NWD1: variants seen among roughly 807,000 people sequenced by gnomAD.
NWD1 encodes the protein NACHT and WD repeat domain containing 1, also known as NACHT domain- and WD repeat-containing protein 1.
Under a neutral mutation model 135.1 loss-of-function variants are expected in NWD1, and 129 were observed. That is an observed-to-expected ratio of 0.96 (90% CI 0.83 to 1.11). NWD1 has a LOEUF of 1.11. Among genes scored for constraint, NWD1 ranks in the 50% least tolerant of loss-of-function variants. The pLI, the probability that NWD1 is intolerant of heterozygous loss-of-function variation, is 0.00. For missense variants in NWD1, 1,740 were observed against 1,851.3 expected, an observed-to-expected ratio of 0.94 and a Z score of 1.10; for synonymous variants, 773 against 786.0, an observed-to-expected ratio of 0.98 and a Z score of 0.28.
chr19:16,775,434 C>T (rs1012311347), intron 11 of NWD1, among the ~76,000 whole-genome samples: 7 of 151,862 alleles, frequency 4.6e-5, no homozygotes, highest in Admixed American at 1.3e-4. Flanking sequence ...TTCAGTCTGG[C>T]GCTCTGCCAT....
chr19:16,740,448 G>C (rs1968032380), intron 4 of NWD1, among the ~76,000 whole-genome samples: 1 of 151,972 alleles, frequency 6.6e-6, no homozygotes, highest in South Asian at 2.1e-4. Context: ...CAATTCTCCT[G>C]CCTCAGCCTC....
At position 16,722,170 on chromosome 19, in the gene NWD1, T is replaced by C. The variant is rs536641901; in HGVS notation, c.-105+1877T>C. On this transcript the variant is annotated intron_variant, in intron 1 of 18. Coordinates refer to ENST00000524140, the MANE Select transcript of NWD1 (RefSeq NM_001007525.5). ...AAAACTAGCTAGGCATGGTGGTGTG[T>C]GCCTGTTAATCCCAGCTACTCAGGA... 3.7e-3 allele frequency among the ~76,000 whole-genome samples: 560 copies of C among 151,724 alleles called. 3 individuals are homozygous for C. Among genetic ancestry groups the C allele is most frequent in the African/African-American group, 0.012 (509 of 41,418 alleles).
At chr19:16,798,275 T>TC (rs761318548) in intron 16 of NWD1, among the ~76,000 whole-genome samples, 1 of 152,010 alleles carries the variant, frequency 6.6e-6, no homozygotes, top group Non-Finnish European at 1.5e-5. Flanking sequence ...TCTCTTTTTT[T>TC]CCCCCTCCTT....
chr19:16,772,593 C>T (rs535811885), intron 10 of NWD1, among the ~76,000 whole-genome samples: 2 of 152,146 alleles, frequency 1.3e-5, no homozygotes, highest in East Asian at 3.9e-4. Flanking sequence ...TTGCAGTGAG[C>T]CAAGATCGCA....
At chr19:16,765,327 C>A in intron 10 of NWD1, 135 bp downstream of exon 10, 1 of 917,372 alleles carries the variant, frequency 1.1e-6, no homozygotes, top group Non-Finnish European at 1.6e-6. Context: ...AATTTTCCCC[C>A]AGCAGTGCTT....
intron 18 of NWD1, among the ~76,000 whole-genome samples, chr19:16,808,763 G>A (rs144865335): frequency 4.0e-5 from 6 of 151,762 alleles, no homozygotes; most frequent in South Asian, 4.2e-4. Context: ...ATGACCCACC[G>A]GACCTGGCTA....
At position 16,815,971 on chromosome 19, in the gene NWD1, T is replaced by G. The variant is rs1971058086; in HGVS notation, c.*932T>G. 6.6e-6 allele frequency: 1 copy of G among 152,308 alleles called. No individual in the cohort carries two copies. Among genetic ancestry groups the G allele is most frequent in the South Asian group, 2.1e-4 (1 of 4,832 alleles). The allele number at this position is 152,308 out of a possible 1,614,324, so 9.4% of individuals were successfully genotyped here. On this transcript the variant is annotated 3_prime_UTR_variant, in exon 19 of 19. Transcript: ENST00000524140. Reference sequence around the variant, plus strand: ...GGAAGTAGTTATAATTTGATTCAGGTCACAAGTCCAAGGTGCAAGAGCTCT... The same window carrying G: ...GGAAGTAGTTATAATTTGATTCAGGGCACAAGTCCAAGGTGCAAGAGCTCT...
chr19:16,745,714 G>A (rs549241745), intron 5 of NWD1, among the ~76,000 whole-genome samples: 47 of 150,354 alleles, frequency 3.1e-4, no homozygotes, highest in African/African-American at 8.8e-4. Context: ...CACTCCAGCC[G>A]GGGTTACAGA....
chr19:16,756,550 T>C (rs1412694773), intron 6 of NWD1, among the ~76,000 whole-genome samples: 1 of 152,226 alleles, frequency 6.6e-6, no homozygotes, highest in African/African-American at 2.4e-5. Flanking sequence ...TTTATGTTTA[T>C]CTATCTCTGT....
chr19:16,722,098 G>A (rs562592477), intron 1 of NWD1, among the ~76,000 whole-genome samples: 1 of 148,824 alleles, frequency 6.7e-6, no homozygotes, highest in Non-Finnish European at 1.5e-5. Flanking sequence ...GGGCAATGGA[G>A]TGAGACCCTG....
intron 4 of NWD1, among the ~76,000 whole-genome samples, chr19:16,737,566 G>GTTT (rs534107837): frequency 2.1e-5 from 3 of 139,722 alleles, no homozygotes; most frequent in Non-Finnish European, 3.1e-5. Context: ...CTAGTTTTAA[G>GTTT]TTTTTTTTTT....
At chr19:16,773,939 T>TCC (rs1969504757) in intron 11 of NWD1, among the ~76,000 whole-genome samples, 1 of 124,362 alleles carries the variant, frequency 8.0e-6, no homozygotes, top group Non-Finnish European at 1.7e-5. Flanking sequence ...TCCATCCATC[T>TCC]ATCCATCCAT....
At chr19:16,805,972 G>A (rs528966709) in intron 17 of NWD1, among the ~76,000 whole-genome samples, 5 of 151,606 alleles carry the variant, frequency 3.3e-5, no homozygotes, top group African/African-American at 7.3e-5. Context: ...GGGTTCAAGC[G>A]ATTCTCCTGC....
rs78668156 is a variant in NWD1 at position 16,756,889 on chromosome 19, G to A, written c.1770-2336G>A. Among the ~76,000 whole-genome samples the A allele has an allele frequency of 4.8e-3, 738 of 152,220 alleles. 5 individuals are homozygous for A. Among genetic ancestry groups the A allele is most frequent in the Non-Finnish European group, 7.2e-3 (491 of 68,010 alleles). ...TCTTGTCAGGTCAGCAGCATCATTAGATTCTCATAAGAGCACAAACCTTGT... is the reference window on the plus strand; with the variant it reads ...TCTTGTCAGGTCAGCAGCATCATTAAATTCTCATAAGAGCACAAACCTTGT... On this transcript the variant is annotated intron_variant, in intron 6 of 18. Coordinates refer to ENST00000524140, the MANE Select transcript of NWD1 (RefSeq NM_001007525.5).
intron 5 of NWD1, among the ~76,000 whole-genome samples, chr19:16,745,523 G>T (rs1030103631): frequency 3.3e-5 from 5 of 150,210 alleles, no homozygotes; most frequent in Admixed American, 6.7e-5. Flanking sequence ...GAGTTCAGGA[G>T]TTCGAGACCA....
Position 16,800,085 on chromosome 19 carries a change from T to C in NWD1, c.3659T>C (p.Val1220Ala), listed in dbSNP as rs758429944. Residue 1220 changes from valine (V) to alanine (A), a missense_variant, in exon 17 of 19, where the codon GTG becomes GCG. Coordinates refer to ENST00000524140, the MANE Select transcript of NWD1 (RefSeq NM_001007525.5). Reference protein sequence around the residue: ...PFLDRTGLTAVSHNGSYVYFP... With the variant: ...PFLDRTGLTAASHNGSYVYFP... ...CTGGACCGCACCGGCCTCACCGCAGTGTCCCACAATGGAAGCTACGTCTAC... is the reference window on the plus strand; with the variant it reads ...CTGGACCGCACCGGCCTCACCGCAGCGTCCCACAATGGAAGCTACGTCTAC... 3 of 1,614,020 alleles carry C rather than the reference T, an allele frequency of 1.9e-6. No individual in the cohort carries two copies. The highest frequency in any genetic ancestry group is 3.3e-5 in the Admixed American group (2 of 59,982).
chr19:16,773,283 G>C lies in NWD1; in HGVS notation c.2568G>C (p.Pro856=). The C allele has an allele frequency of 6.2e-7, 1 of 1,613,176 alleles. No individual in the cohort carries two copies. Among genetic ancestry groups the C allele is most frequent in the Non-Finnish European group, 8.5e-7 (1 of 1,179,952 alleles). Residue 856 remains proline, a synonymous_variant, in exon 11 of 19, where the codon CCG becomes CCC. Transcript: ENST00000524140. ...CCCTCGGAGGATTCCTCCAGCCCCCGGGAGGACCCCTCCGGGCAACTCTCA... is the reference window on the plus strand; with the variant it reads ...CCCTCGGAGGATTCCTCCAGCCCCCCGGAGGACCCCTCCGGGCAACTCTCA... ...LVPLGGFLQP[P]GGPLRATLSG...
intron 18 of NWD1, among the ~76,000 whole-genome samples, chr19:16,813,007 A>C (rs1970971920): frequency 6.6e-6 from 1 of 152,196 alleles, no homozygotes; most frequent in Admixed American, 6.5e-5. Flanking sequence ...AAGGGCCCAC[A>C]ATCCCTCTTC....
intron 10 of NWD1, among the ~76,000 whole-genome samples, chr19:16,766,591 A>AT (rs11355024): frequency 7.8e-4 from 116 of 147,876 alleles, no homozygotes; most frequent in East Asian, 4.2e-3. Context: ...TGTCTTAACC[A>AT]TTTTTTTTTT....
Sources: gnomAD v4.1 joint callset for allele counts (sites outside exome capture counted in the v4.1 genomes callset) on GRCh38, gnomAD v4.1.1 for gene constraint, MANE v1.5 for transcripts, NCBI Gene and HGNC (gene_info 2026-07-23, HGNC 2026-07-21) for gene names.